The following TMEM200A variants were observed in gnomAD, a reference collection of about 807,000 sequenced individuals.
The protein encoded by TMEM200A is two transmembrane C.
In TMEM200A, 12 loss-of-function variants were observed where a neutral mutation model predicts 24.3. The ratio of observed to expected loss-of-function variants is 0.49; its 90% CI spans 0.32 to 0.80. TMEM200A has a LOEUF of 0.80. Ranked by LOEUF, TMEM200A falls within the 30% of genes least tolerant of loss-of-function variation. The pLI is 0.04. For missense variants in TMEM200A, 545 were observed against 614.4 expected (o/e 0.89, Z 1.19); for synonymous variants, 224 against 224.4 (o/e 1.00, Z 0.02).
At chr6:130,411,985 A>T (rs1315931578) in intron 2 of TMEM200A, among the ~76,000 whole-genome samples, 1 of 152,132 alleles carries the variant, frequency 6.6e-6, no homozygotes, top group Non-Finnish European at 1.5e-5. Flanking sequence ...TTAGTAGGTT[A>T]AAATCTGACA....
chr6:130,441,692 C>G lies in TMEM200A; in HGVS notation c.1270C>G (p.Arg424Gly). The G allele has an allele frequency of 6.2e-7, 1 of 1,613,916 alleles. No homozygotes were observed. The highest frequency in any genetic ancestry group is 8.5e-7 in the Non-Finnish European group (1 of 1,179,960). The change falls in exon 3 of 3, where the codon CGG (arginine) becomes GGG (glycine). Residue 424 changes from arginine to glycine, a missense_variant. Coordinates refer to ENST00000296978, the MANE Select transcript of TMEM200A (RefSeq NM_001258277.2). Reference protein sequence around the residue: ...RKHPSWPRLDRNNSKGYMKLE... With the variant: ...RKHPSWPRLDGNNSKGYMKLE... ...ACATCCAAGTTGGCCTAGGTTGGAT[C>G]GGAACAACAGCAAGGGATATATGAA... is the stretch of plus-strand genomic sequence containing the variant.
chr6:130,422,436 T>A (rs1482112944), intron 2 of TMEM200A, among the ~76,000 whole-genome samples: 1 of 151,974 alleles, frequency 6.6e-6, no homozygotes, highest in Non-Finnish European at 1.5e-5. Flanking sequence ...ACCCAGCTAA[T>A]TTTTGTATTT....
intron 2 of TMEM200A, among the ~76,000 whole-genome samples, chr6:130,411,315 A>G (rs767128191): frequency 5.3e-5 from 8 of 152,160 alleles, no homozygotes; most frequent in Non-Finnish European, 1.0e-4. Flanking sequence ...TTTAAATTTT[A>G]TAATTACAGA....
intron 1 of TMEM200A, among the ~76,000 whole-genome samples, chr6:130,374,637 T>C (rs1484623953): frequency 1.3e-5 from 2 of 152,108 alleles, no homozygotes; most frequent in African/African-American, 4.8e-5. Flanking sequence ...TTGGCCAGGC[T>C]GGTCTCGAAC....
At chr6:130,377,099 C>T (rs1661122725) in intron 1 of TMEM200A, among the ~76,000 whole-genome samples, 1 of 152,148 alleles carries the variant, frequency 6.6e-6, no homozygotes, top group African/African-American at 2.4e-5. Flanking sequence ...AAGAGCATAA[C>T]AAGCTTTTCT....
At chr6:130,383,579 G>C (rs960052229) in intron 1 of TMEM200A, among the ~76,000 whole-genome samples, 4 of 152,136 alleles carry the variant, frequency 2.6e-5, no homozygotes, top group Non-Finnish European at 5.9e-5. Context: ...ATTATGAGCT[G>C]TTGTGATTTA....
chr6:130,426,484 C>T (rs117399755), intron 2 of TMEM200A, among the ~76,000 whole-genome samples: 1 of 141,088 alleles, frequency 7.1e-6, no homozygotes, highest in Admixed American at 7.1e-5. Flanking sequence ...AGTTTCCCTT[C>T]ATCACAAGGC....
At chr6:130,379,547 A>T (rs1188453364) in intron 1 of TMEM200A, among the ~76,000 whole-genome samples, 1 of 152,160 alleles carries the variant, frequency 6.6e-6, no homozygotes, top group Non-Finnish European at 1.5e-5. Flanking sequence ...TCTACAAAAA[A>T]TGGTGGGGTT....
intron 1 of TMEM200A, among the ~76,000 whole-genome samples, chr6:130,373,271 T>C (rs1354302899): frequency 6.6e-6 from 1 of 152,168 alleles, no homozygotes; most frequent in Non-Finnish European, 1.5e-5. Context: ...TGAAGAGATG[T>C]TGTTAGATTT....
intron 1 of TMEM200A, among the ~76,000 whole-genome samples, chr6:130,374,050 T>C (rs1466921542): frequency 6.6e-6 from 1 of 152,208 alleles, no homozygotes; most frequent in Non-Finnish European, 1.5e-5. Context: ...AACATGCAGA[T>C]AGGGGCCCAT....
chr6:130,411,156 A>G (rs73626731), intron 2 of TMEM200A, among the ~76,000 whole-genome samples: 8,349 of 151,500 alleles, frequency 0.055, 756 homozygotes, highest in African/African-American at 0.19. Context: ...GCGAGGAGTG[A>G]AACTCCATCT....
At chr6:130,394,652 C>G (rs1463536392) in intron 2 of TMEM200A, among the ~76,000 whole-genome samples, 1 of 152,150 alleles carries the variant, frequency 6.6e-6, no homozygotes, top group East Asian at 1.9e-4. Context: ...TTTTGGCATC[C>G]CTTATGCATT....
chr6:130,386,195 G>A (rs1778707477), intron 2 of TMEM200A, among the ~76,000 whole-genome samples: 1 of 152,178 alleles, frequency 6.6e-6, no homozygotes. Flanking sequence ...CTCCAATACA[G>A]TAAATCCAGG....
intron 1 of TMEM200A, among the ~76,000 whole-genome samples, chr6:130,373,256 A>G (rs1052068328): frequency 3.9e-5 from 6 of 152,224 alleles, no homozygotes; most frequent in African/African-American, 1.4e-4. Flanking sequence ...TGGAGTTAGC[A>G]TTTCTGAAGA....
At chr6:130,431,526 G>C (rs779495873) in intron 2 of TMEM200A, among the ~76,000 whole-genome samples, 3 of 152,172 alleles carry the variant, frequency 2.0e-5, no homozygotes, top group Non-Finnish European at 4.4e-5. Flanking sequence ...AGCTTGTCCA[G>C]ATTTGAGGAG....
At chr6:130,389,742 G>C (rs1370141825) in intron 2 of TMEM200A, among the ~76,000 whole-genome samples, 2 of 152,046 alleles carry the variant, frequency 1.3e-5, no homozygotes, top group Non-Finnish European at 2.9e-5. Context: ...TGGGTTCAGA[G>C]AGATCCACAG....
intron 1 of TMEM200A, among the ~76,000 whole-genome samples, chr6:130,369,766 G>T (rs1778273299): frequency 6.6e-6 from 1 of 152,206 alleles, no homozygotes; most frequent in African/African-American, 2.4e-5. Flanking sequence ...TTTGTCACCA[G>T]AGGTGAAATT....
intron 2 of TMEM200A, among the ~76,000 whole-genome samples, chr6:130,426,370 G>A (rs77003997): frequency 0.018 from 2,771 of 151,556 alleles, 23 homozygotes; most frequent in Non-Finnish European, 0.027. Flanking sequence ...TAATTTCAAG[G>A]CATGAAAATT....
chr6:130,441,093 G>A lies in TMEM200A; in HGVS notation c.671G>A (p.Ser224Asn), dbSNP rs1269645524. 6.2e-7 allele frequency: 1 copy of A among 1,613,890 alleles called. No homozygotes were observed. The highest frequency in any genetic ancestry group is 1.7e-5 in the Admixed American group (1 of 60,002). Residue 224 changes from serine (S) to asparagine (N), a missense_variant, in exon 3 of 3, where the codon AGC becomes AAC. Coordinates refer to ENST00000296978, the MANE Select transcript of TMEM200A (RefSeq NM_001258277.2). ...SGFRSSFRMD[S>N]SVEEDELMLN... The stretch of plus-strand genomic sequence containing the variant: ...TTTCGGAGCAGTTTTCGAATGGACA[G>A]CTCCGTGGAGGAGGATGAACTTATG...
Sources: gnomAD v4.1 joint callset for allele counts (sites outside exome capture counted in the v4.1 genomes callset) on GRCh38, gnomAD v4.1.1 for gene constraint, MANE v1.5 for transcripts, NCBI Gene and HGNC (gene_info 2026-07-23, HGNC 2026-07-21) for gene names.